CACNB2: variants seen among roughly 807,000 people sequenced by gnomAD.
CACNB2 encodes the protein calcium voltage-gated channel auxiliary subunit beta 2.
A neutral mutation model predicts 73.3 loss-of-function variants in CACNB2; 42 were observed. The observed-to-expected ratio is 0.57, with a 90% CI of 0.45 to 0.74. CACNB2 has a LOEUF of 0.74. Among genes scored for constraint, CACNB2 ranks in the 30% least tolerant of loss-of-function variants. The probability of loss-of-function intolerance (pLI) is 0.00; values close to 1 mark genes in which losing one functional copy is unlikely to be tolerated. For missense variants in CACNB2, 940 were observed against 853.0 expected, an observed-to-expected ratio of 1.10 and a Z score of -1.27; for synonymous variants, 348 against 310.3, an observed-to-expected ratio of 1.12 and a Z score of -1.28.
chr10:18,336,462 T>C (rs1267060388), intron 2 of CACNB2, among the ~76,000 whole-genome samples: 2 of 152,050 alleles, frequency 1.3e-5, no homozygotes, highest in Non-Finnish European at 2.9e-5. Flanking sequence ...CTACTAAAAG[T>C]ACAAAAATTA....
intron 2 of CACNB2, among the ~76,000 whole-genome samples, chr10:18,370,198 T>G (rs2042519634): frequency 6.6e-6 from 1 of 152,256 alleles, no homozygotes; most frequent in East Asian, 1.9e-4. Context: ...TTGTGGCTTC[T>G]ACTAGACTCC....
At chr10:18,440,522 A>T (rs1190689141) in intron 3 of CACNB2, among the ~76,000 whole-genome samples, 2 of 151,990 alleles carry the variant, frequency 1.3e-5, no homozygotes, top group Non-Finnish European at 2.9e-5. Context: ...TCAAAAATTA[A>T]CTGGCATGGT....
At chr10:18,372,505 C>G (rs2042630310) in intron 2 of CACNB2, among the ~76,000 whole-genome samples, 1 of 152,106 alleles carries the variant, frequency 6.6e-6, no homozygotes, top group South Asian at 2.1e-4. Flanking sequence ...CTCCCAGGTT[C>G]AAGTGATTCT....
intron 3 of CACNB2, among the ~76,000 whole-genome samples, chr10:18,466,405 A>G (rs752095696): frequency 1.1e-4 from 17 of 151,786 alleles, no homozygotes; most frequent in Non-Finnish European, 2.1e-4. Context: ...ATGCCCAGCT[A>G]AATTTTTTAC....
chr10:18,513,655 C>A, intron 6 of CACNB2: 2 of 279,972 alleles, frequency 7.1e-6, no homozygotes, highest in South Asian at 3.8e-5. Context: ...ACATCATTTC[C>A]ATAGTCTAAA....
chr10:18,289,272 TTTTTTTTTCTTG>T (rs2038945355), intron 2 of CACNB2, among the ~76,000 whole-genome samples: 1 of 144,858 alleles, frequency 6.9e-6, no homozygotes, highest in Non-Finnish European at 1.5e-5. Flanking sequence ...GTTGTCTTCA[TTTTTTTTTCTTG>T]TTTTTTTGTT....
chr10:18,392,699 C>G (rs1366467905), intron 2 of CACNB2, among the ~76,000 whole-genome samples: 1 of 152,074 alleles, frequency 6.6e-6, no homozygotes, highest in Non-Finnish European at 1.5e-5. Flanking sequence ...CATGCAGTTT[C>G]TGGAGTACCT....
intron 9 of CACNB2, among the ~76,000 whole-genome samples, chr10:18,526,803 G>C: frequency 6.6e-6 from 1 of 152,040 alleles, no homozygotes; most frequent in East Asian, 1.9e-4. Context: ...CTATCTGAGG[G>C]AAGACTGGTT....
At chr10:18,192,777 A>T (rs1026662859) in intron 2 of CACNB2, among the ~76,000 whole-genome samples, 1 of 152,138 alleles carries the variant, frequency 6.6e-6, no homozygotes, top group African/African-American at 2.4e-5. Context: ...TATGTAGCGT[A>T]ATTTTTTAAA....
chr10:18,530,441 C>T lies in CACNB2; in HGVS notation c.1054+2744C>T, dbSNP rs188216910. On this transcript the variant is annotated intron_variant, in intron 10 of 13. Coordinates refer to ENST00000324631, the MANE Select transcript of CACNB2 (RefSeq NM_201596.3). The stretch of plus-strand genomic sequence containing the variant: ...TGAGAATTCTAAAAGCAGCAGCAGA[C>T]CAAGGAATAAAGAGTGAGCCAAGGA... Among the ~76,000 whole-genome samples the T allele has an allele frequency of 1.0e-4, 15 of 150,000 alleles. No individual in the cohort carries two copies. In the East Asian group the frequency reaches 2.2e-3, roughly 22 times the overall value.
intron 3 of CACNB2, among the ~76,000 whole-genome samples, chr10:18,489,590 G>A (rs1302013359): frequency 6.6e-6 from 1 of 151,912 alleles, no homozygotes; most frequent in African/African-American, 2.4e-5. Context: ...GAACTTTTTT[G>A]AGCCTCAGTT....
At chr10:18,294,124 C>A (rs1218798612) in intron 2 of CACNB2, among the ~76,000 whole-genome samples, 2 of 152,198 alleles carry the variant, frequency 1.3e-5, no homozygotes, top group Non-Finnish European at 2.9e-5. Context: ...GATCATGTAA[C>A]TCTTCCTCCC....
chr10:18,442,013 T>C (rs1024453274), intron 3 of CACNB2, among the ~76,000 whole-genome samples: 4 of 152,176 alleles, frequency 2.6e-5, no homozygotes, highest in African/African-American at 9.7e-5. Flanking sequence ...ACTTGCAAGC[T>C]CCTCGCCTCA....
intron 3 of CACNB2, among the ~76,000 whole-genome samples, chr10:18,467,069 G>T (rs2047931777): frequency 6.6e-6 from 1 of 152,084 alleles, no homozygotes; most frequent in Non-Finnish European, 1.5e-5. Context: ...CAGGAGAATT[G>T]CTTAAACTCA....
In CACNB2 at chr10:18,540,413, G is replaced by A. The variant is rs373608089; in HGVS notation, c.*689G>A. On this transcript the variant is annotated 3_prime_UTR_variant, in exon 14 of 14. Coordinates refer to ENST00000324631, the MANE Select transcript of CACNB2 (RefSeq NM_201596.3). ...GCAGATTTGCTTTATGAATTACAGG[G>A]ACTAGAAATGCCCACATTCAGGAAA... 6.6e-6 allele frequency: 1 copy of A among 152,376 alleles called. No homozygotes were observed. The highest frequency in any genetic ancestry group is 2.4e-5 in the African/African-American group (1 of 41,380). The allele number at this position is 152,376 out of a possible 1,614,324, so 9.4% of individuals were successfully genotyped here.
chr10:18,250,525 ATC>A (rs1309282449), intron 2 of CACNB2, among the ~76,000 whole-genome samples: 5 of 145,368 alleles, frequency 3.4e-5, no homozygotes, highest in African/African-American at 9.9e-5. Context: ...TGTCAATTTT[ATC>A]TCTCTCTTTT....
chr10:18,205,118 A>G (rs1229347755), intron 2 of CACNB2, among the ~76,000 whole-genome samples: 2 of 151,982 alleles, frequency 1.3e-5, no homozygotes, highest in Non-Finnish European at 2.9e-5. Context: ...GTATCATTGA[A>G]TAGAAATTTC....
At chr10:18,210,494 G>A (rs1348919486) in intron 2 of CACNB2, among the ~76,000 whole-genome samples, 1 of 152,036 alleles carries the variant, frequency 6.6e-6, no homozygotes, top group African/African-American at 2.4e-5. Flanking sequence ...ATCTGTAGAG[G>A]CGATAAATAG....
intron 2 of CACNB2, among the ~76,000 whole-genome samples, chr10:18,256,404 A>G (rs2037288195): frequency 6.6e-6 from 1 of 152,246 alleles, no homozygotes; most frequent in Non-Finnish European, 1.5e-5. Flanking sequence ...ACTTCTTAAT[A>G]AAACAACAGA....
Sources: gnomAD v4.1 joint callset for allele counts (sites outside exome capture counted in the v4.1 genomes callset) on GRCh38, gnomAD v4.1.1 for gene constraint, MANE v1.5 for transcripts, NCBI Gene and HGNC (gene_info 2026-07-23, HGNC 2026-07-21) for gene names.